Variants in HIVEP1 observed in about 807,000 individuals in gnomAD.
HIVEP1 encodes zinc finger protein 40.
Under a neutral mutation model 180.0 loss-of-function variants are expected in HIVEP1, and 36 were observed. That is an observed-to-expected ratio of 0.20 (90% CI 0.15 to 0.26). The LOEUF (loss-of-function observed/expected upper bound fraction) is 0.26. HIVEP1 is among the 10% of genes least tolerant of loss of function. HIVEP1 has a pLI of 1.00. For missense variants in HIVEP1, 3,143 were observed against 3,268.7 expected, an observed-to-expected ratio of 0.96 and a Z score of 0.94; for synonymous variants, 1,239 against 1,239.0, an observed-to-expected ratio of 1.00 and a Z score of 0.00.
intron 3 of HIVEP1, among the ~76,000 whole-genome samples, chr6:12,108,235 T>C (rs1581696139): frequency 6.6e-6 from 1 of 152,148 alleles, no homozygotes; most frequent in South Asian, 2.1e-4. Context: ...TTGAGCTAGA[T>C]ACAGAGTGCC....
intron 3 of HIVEP1, among the ~76,000 whole-genome samples, chr6:12,118,862 C>T (rs1775384244): frequency 6.6e-6 from 1 of 152,148 alleles, no homozygotes; most frequent in Non-Finnish European, 1.5e-5. Context: ...TATTAGCAGC[C>T]CCTTTTCTCC....
At chr6:12,193,088 G>T in the HIVEP1 span, among the ~76,000 whole-genome samples, 4 of 152,120 alleles carry the variant, frequency 2.6e-5, no homozygotes, top group East Asian at 7.7e-4. Flanking sequence ...AAAGTGTTGG[G>T]ATTATAGGCG....
intron 7 of HIVEP1, among the ~76,000 whole-genome samples, chr6:12,145,772 C>A (rs1286219159): frequency 6.6e-6 from 1 of 152,120 alleles, no homozygotes; most frequent in African/African-American, 2.4e-5. Context: ...TTATCTATTT[C>A]TTCCAACTAG....
In HIVEP1 at chr6:12,163,528, T is replaced by C; in HGVS notation, c.7224T>C (p.Pro2408=). Residue 2408 remains proline, a synonymous_variant, in exon 9 of 9, where the codon CCT becomes CCC. Transcript: ENST00000379388. ...MVPVGGIHVV[P]AGLTYSTFVP... ...CAGTTGGGGGGATCCATGTGGTACC[T>C]GCTGGCCTCACATACTCCACGTTTG... 6.2e-7 allele frequency: 1 copy of C among 1,614,232 alleles called. No individual in the cohort carries two copies. The highest frequency in any genetic ancestry group is 1.6e-4 in the Middle Eastern group (1 of 6,062).
chr6:12,137,612 G>GTTT (rs67584103), intron 7 of HIVEP1, among the ~76,000 whole-genome samples: 2 of 149,312 alleles, frequency 1.3e-5, no homozygotes, highest in Non-Finnish European at 3.0e-5. Context: ...TGTGCTCAAA[G>GTTT]TTTTTTTTTT....
At chr6:12,146,501 AAAATC>A (rs1561999365) in intron 7 of HIVEP1, among the ~76,000 whole-genome samples, 1 of 152,218 alleles carries the variant, frequency 6.6e-6, no homozygotes, top group Non-Finnish European at 1.5e-5. Flanking sequence ...TTCCTTCACT[AAAATC>A]AAATGGTAAC....
chr6:12,208,586 G>T, the HIVEP1 span, among the ~76,000 whole-genome samples: 66,168 of 151,940 alleles, frequency 0.44, 14,496 homozygotes, highest in East Asian at 0.64. Context: ...GTACTTCAGA[G>T]TATGATCGTA....
chr6:12,043,096 T>C (rs559312261), intron 2 of HIVEP1, among the ~76,000 whole-genome samples: 1 of 152,346 alleles, frequency 6.6e-6, no homozygotes, highest in Admixed American at 6.5e-5. Context: ...TATTTGTTCC[T>C]GTGCTATACT....
At chr6:12,187,980 A>G in the HIVEP1 span, among the ~76,000 whole-genome samples, 1 of 152,228 alleles carries the variant, frequency 6.6e-6, no homozygotes, top group Non-Finnish European at 1.5e-5. Flanking sequence ...TCTCATTAAA[A>G]GCAATACAAG....
intron 7 of HIVEP1, among the ~76,000 whole-genome samples, chr6:12,137,403 C>T (rs999583279): frequency 1.3e-5 from 2 of 152,148 alleles, no homozygotes; most frequent in African/African-American, 2.4e-5. Context: ...TTTACATTTG[C>T]TGACTGATTG....
intron 7 of HIVEP1, among the ~76,000 whole-genome samples, chr6:12,141,515 A>G (rs1357901130): frequency 6.6e-6 from 1 of 151,908 alleles, no homozygotes; most frequent in Non-Finnish European, 1.5e-5. Context: ...TTCACACATA[A>G]CAATATTAAC....
chr6:12,168,353 GTATA>G (rs1449453403), downstream of HIVEP1, among the ~76,000 whole-genome samples: 1 of 68,152 alleles, frequency 1.5e-5, no homozygotes, highest in African/African-American at 5.6e-5. Flanking sequence ...ACATGTATAT[GTATA>G]TATTATATAC....
the HIVEP1 span, among the ~76,000 whole-genome samples, chr6:12,206,165 G>A: frequency 0.28 from 43,160 of 151,794 alleles, 7,609 homozygotes; most frequent in South Asian, 0.46. Flanking sequence ...ACAGAGTCTC[G>A]CTCTGTCACC....
At chr6:12,112,128 A>G (rs924404954) in intron 3 of HIVEP1, among the ~76,000 whole-genome samples, 3 of 152,188 alleles carry the variant, frequency 2.0e-5, no homozygotes, top group African/African-American at 7.2e-5. Context: ...TTCTGAAAAA[A>G]ATCTTGCTAT....
upstream of HIVEP1, chr6:12,007,768 C>A (rs1767087667): frequency 6.6e-6 from 1 of 151,952 alleles, no homozygotes; most frequent in Non-Finnish European, 1.5e-5. Flanking sequence ...GAACTCACCC[C>A]CAGGATGGGA....
Position 12,132,343 on chromosome 6 carries a change from C to T in HIVEP1, c.6385+1401C>T, listed in dbSNP as rs186641891. Among the ~76,000 whole-genome samples the T allele has an allele frequency of 5.5e-4, 84 of 152,080 alleles. No homozygotes were observed. In the East Asian group the frequency reaches 0.01, roughly 18 times the overall value. On this transcript the variant is annotated intron_variant, in intron 6 of 8. Transcript: ENST00000379388. ...AAGCATATTTAGAAAGCTAATATTA[C>T]TAATAAAAGATTATCATGTACAAAA...
At chr6:12,178,233 T>G in the HIVEP1 span, among the ~76,000 whole-genome samples, 1 of 152,222 alleles carries the variant, frequency 6.6e-6, no homozygotes, top group East Asian at 1.9e-4. Context: ...CCAAAACTTA[T>G]TTCAATTATT....
At chr6:12,177,028 C>G in the HIVEP1 span, among the ~76,000 whole-genome samples, 1 of 152,276 alleles carries the variant, frequency 6.6e-6, no homozygotes, top group South Asian at 2.1e-4. Flanking sequence ...ATGGATGGAG[C>G]TGGAGGCCAT....
the HIVEP1 span, among the ~76,000 whole-genome samples, chr6:12,189,612 ATGTT>A: frequency 0.012 from 1,799 of 152,252 alleles, 72 homozygotes; most frequent in Admixed American, 0.072. Flanking sequence ...AACAACAAAA[ATGTT>A]TGTGCACTAT....
Sources: allele counts gnomAD v4.1 joint callset (sites outside exome capture counted in the v4.1 genomes callset), GRCh38; gene constraint gnomAD v4.1.1; transcripts MANE v1.5; gene names NCBI Gene and HGNC (gene_info 2026-07-23, HGNC 2026-07-21).